ERC1: variants seen among roughly 807,000 people sequenced by gnomAD.
ERC1 encodes RAB6 interacting protein 2.
Under a neutral mutation model 132.0 loss-of-function variants are expected in ERC1, and 56 were observed. The ratio of observed to expected loss-of-function variants is 0.42; its 90% CI spans 0.34 to 0.53. ERC1 has a LOEUF of 0.53. ERC1 is among the 20% of genes least tolerant of loss of function. ERC1 has a pLI of 0.03. For missense variants in ERC1, 1,202 were observed against 1,349.9 expected (o/e 0.89, Z 1.72); for synonymous variants, 478 against 476.1 (o/e 1.00, Z -0.05).
At chr12:1,172,421 T>TCCTTGAACTCCTGAGCACGAG (rs1443966175) in intron 8 of ERC1, among the ~76,000 whole-genome samples, 4 of 152,164 alleles carry the variant, frequency 2.6e-5, no homozygotes, top group African/African-American at 9.7e-5. Context: ...TGAGCAGTGA[T>TCCTTGAACTCCTGAGCACGAG]TACACTGTCA....
At chr12:1,279,693 A>AT (rs2078536669) in intron 14 of ERC1, among the ~76,000 whole-genome samples, 1 of 139,878 alleles carries the variant, frequency 7.1e-6, no homozygotes, top group Non-Finnish European at 1.6e-5. Context: ...TATTTTATTT[A>AT]TTTATTTTTT....
intron 2 of ERC1, among the ~76,000 whole-genome samples, chr12:1,067,845 T>C: frequency 6.6e-6 from 1 of 152,172 alleles, no homozygotes; most frequent in Non-Finnish European, 1.5e-5. Context: ...TAATTTATAT[T>C]GTAAAAAATA....
At chr12:1,182,628 A>G (rs537498420) in intron 10 of ERC1, among the ~76,000 whole-genome samples, 13 of 151,846 alleles carry the variant, frequency 8.6e-5, no homozygotes, top group Non-Finnish European at 1.8e-4. Context: ...TAAATTCCTA[A>G]TAGAATTTTT....
intron 17 of ERC1, among the ~76,000 whole-genome samples, chr12:1,440,406 C>CTG (rs2093090383): frequency 1.3e-5 from 2 of 150,590 alleles, no homozygotes; most frequent in South Asian, 4.2e-4. Flanking sequence ...CGGGGTTTCA[C>CTG]CGTGTTAGCC....
intron 14 of ERC1, among the ~76,000 whole-genome samples, chr12:1,277,435 A>G (rs1475461971): frequency 6.6e-6 from 1 of 152,188 alleles, no homozygotes; most frequent in Non-Finnish European, 1.5e-5. Flanking sequence ...CCGGACTTGG[A>G]AATAGGTTCA....
intron 16 of ERC1, 52 bp downstream of exon 16, chr12:1,372,029 C>T (rs1400174597): frequency 6.3e-7 from 1 of 1,596,978 alleles, no homozygotes; most frequent in South Asian, 1.1e-5. Context: ...TCACACCATT[C>T]TCCACACAGG....
At chr12:1,464,367 A>G (rs555711540) in intron 18 of ERC1, among the ~76,000 whole-genome samples, 4 of 151,824 alleles carry the variant, frequency 2.6e-5, no homozygotes, top group Admixed American at 1.3e-4. Flanking sequence ...TCTTCCCCTC[A>G]CCTCTAAACT....
At chr12:1,104,433 G>T (rs893017560) in intron 3 of ERC1, among the ~76,000 whole-genome samples, 1 of 152,096 alleles carries the variant, frequency 6.6e-6, no homozygotes, top group East Asian at 1.9e-4. Flanking sequence ...TATATTTCCC[G>T]GAGTTATGTG....
At chr12:1,134,157 A>G (rs941416563) in intron 7 of ERC1, among the ~76,000 whole-genome samples, 1 of 152,132 alleles carries the variant, frequency 6.6e-6, no homozygotes, top group Non-Finnish European at 1.5e-5. Flanking sequence ...AGATGGTACC[A>G]AAATTGCATT....
At position 1,189,961 on chromosome 12, in the gene ERC1, G is replaced by A. The variant is rs575157538; in HGVS notation, c.2260G>A (p.Ala754Thr). Residue 754 changes from alanine to threonine, a missense_variant, in exon 12 of 19, where the codon GCC becomes ACC. Ala to Thr is a moderately conservative substitution (Grantham distance 58, BLOSUM62 0). Transcript: ENST00000360905. ...CAGGTACAAAGATGAATCTAGCAAGGCCCAGGCAGAAGTTGATCGACTCTT... is the reference window on the plus strand; with the variant it reads ...CAGGTACAAAGATGAATCTAGCAAGACCCAGGCAGAAGTTGATCGACTCTT... The part of the protein sequence containing the change: ...ITRYKDESSK[A>T]QAEVDRLLEI... 1.2e-6 allele frequency: 2 copies of A among 1,614,070 alleles called. No individual in the cohort carries two copies. The highest frequency in any genetic ancestry group is 2.7e-5 in the African/African-American group (2 of 75,020).
chr12:1,470,679 A>G (rs2093842924), intron 18 of ERC1, among the ~76,000 whole-genome samples: 1 of 152,230 alleles, frequency 6.6e-6, no homozygotes, highest in Non-Finnish European at 1.5e-5. Context: ...GTAAGAAATA[A>G]TGTGAGATAT....
At chr12:1,084,996 TG>T in intron 3 of ERC1, among the ~76,000 whole-genome samples, 1 of 67,296 alleles carries the variant, frequency 1.5e-5, no homozygotes, top group South Asian at 6.9e-4. Flanking sequence ...TGCCTATGCC[TG>T]GCCCATTATT....
chr12:1,185,758 A>C (rs1955022103), intron 11 of ERC1, among the ~76,000 whole-genome samples: 1 of 148,512 alleles, frequency 6.7e-6, no homozygotes, highest in Non-Finnish European at 1.5e-5. Flanking sequence ...ATTTATATTG[A>C]GGTGACTACA....
At chr12:1,044,365 T>C (rs543537845) in intron 2 of ERC1, among the ~76,000 whole-genome samples, 1 of 152,346 alleles carries the variant, frequency 6.6e-6, no homozygotes, top group South Asian at 2.1e-4. Context: ...AACTGATTCA[T>C]ATGACCAAGT....
At chr12:1,334,883 T>C (rs1393267548) in intron 15 of ERC1, among the ~76,000 whole-genome samples, 1 of 152,226 alleles carries the variant, frequency 6.6e-6, no homozygotes, top group Non-Finnish European at 1.5e-5. Context: ...TTTCCATTTG[T>C]TTGTGTCATT....
intron 7 of ERC1, among the ~76,000 whole-genome samples, chr12:1,133,638 C>CT (rs1948984401): frequency 6.6e-6 from 1 of 152,074 alleles, no homozygotes; most frequent in Non-Finnish European, 1.5e-5. Flanking sequence ...CCTTTTGGAC[C>CT]TTTTTTTGTT....
intron 8 of ERC1, among the ~76,000 whole-genome samples, chr12:1,161,813 A>G (rs1951909514): frequency 6.6e-6 from 1 of 152,146 alleles, no homozygotes; most frequent in African/African-American, 2.4e-5. Context: ...GTAACACTAC[A>G]TTTATCCTTT....
chr12:1,358,471 G>A (rs917042316), intron 15 of ERC1, among the ~76,000 whole-genome samples: 5 of 152,134 alleles, frequency 3.3e-5, no homozygotes, highest in South Asian at 2.1e-4. Flanking sequence ...TGGCAAGGAT[G>A]TAGGGAATCA....
At chr12:1,428,699 C>T (rs1049962084) in intron 17 of ERC1, among the ~76,000 whole-genome samples, 2 of 152,186 alleles carry the variant, frequency 1.3e-5, no homozygotes, top group Non-Finnish European at 2.9e-5. Context: ...GATAGGACCC[C>T]GCAGTACTGC....
Sources: allele counts gnomAD v4.1 joint callset (sites outside exome capture counted in the v4.1 genomes callset), GRCh38; gene constraint gnomAD v4.1.1; transcripts MANE v1.5; gene names NCBI Gene and HGNC (gene_info 2026-07-23, HGNC 2026-07-21).